The following PAM variants were observed in gnomAD, a reference collection of about 807,000 sequenced individuals.
PAM encodes peptidylglycine alpha-amidating monooxygenase.
In PAM, 72 loss-of-function variants were observed where a neutral mutation model predicts 122.1. The ratio of observed to expected loss-of-function variants is 0.59; its 90% confidence interval spans 0.49 to 0.72. PAM has a LOEUF of 0.72. Among genes scored for constraint, PAM ranks in the 30% least tolerant of loss-of-function variants. PAM has a pLI of 0.00. For synonymous variants in PAM, 389 were observed against 404.4 expected (o/e 0.96, Z 0.46); for missense variants, 1,106 against 1,183.7 (o/e 0.93, Z 0.96).
At chr5:102,944,624 GA>G (rs1206893636) in intron 7 of PAM, among the ~76,000 whole-genome samples, 2 of 151,656 alleles carry the variant, frequency 1.3e-5, no homozygotes, top group South Asian at 2.1e-4. Context: ...CCAAAACTCA[GA>G]AAAAAAATAA....
chr5:102,979,203 C>A (rs568048427), intron 15 of PAM, among the ~76,000 whole-genome samples: 2 of 152,130 alleles, frequency 1.3e-5, no homozygotes, highest in Non-Finnish European at 2.9e-5. Flanking sequence ...TAGTATTCAG[C>A]CAGTTTGACC....
At chr5:102,847,585 G>C (rs1780267044) in intron 1 of PAM, among the ~76,000 whole-genome samples, 1 of 152,092 alleles carries the variant, frequency 6.6e-6, no homozygotes, top group Admixed American at 6.5e-5. Flanking sequence ...AAATATAAAA[G>C]AAAATTCGAT....
intron 12 of PAM, among the ~76,000 whole-genome samples, chr5:102,951,964 A>G (rs532206973): frequency 1.1e-4 from 16 of 152,218 alleles, no homozygotes; most frequent in African/African-American, 3.4e-4. Context: ...AAGAAAGAGC[A>G]TAACGAGTCC....
At chr5:102,949,513 T>G (rs746235472) in intron 9 of PAM, 24 bp from the exon 10 acceptor site, 1 of 1,148,882 alleles carries the variant, frequency 8.7e-7, no homozygotes, top group Non-Finnish European at 1.3e-6. Flanking sequence ...TAGTGACTTT[T>G]GTCTGTGTTT....
At chr5:102,787,446 G>C (rs1230206163) in intron 1 of PAM, among the ~76,000 whole-genome samples, 1 of 151,866 alleles carries the variant, frequency 6.6e-6, no homozygotes, top group Non-Finnish European at 1.5e-5. Flanking sequence ...CAACTGTGGG[G>C]ACAAAACTGC....
intron 14 of PAM, among the ~76,000 whole-genome samples, chr5:102,972,463 A>G (rs1766154562): frequency 6.6e-6 from 1 of 151,880 alleles, no homozygotes; most frequent in African/African-American, 2.4e-5. Context: ...TTTATTTCTT[A>G]GAGAGATAGG....
At chr5:102,990,492 A>C (rs756178101) in intron 16 of PAM, 91 bp downstream of exon 16, 11 of 955,394 alleles carry the variant, frequency 1.2e-5, no homozygotes, top group Non-Finnish European at 1.5e-5. Context: ...TGAGAGAACT[A>C]TAAAGGTTTT....
chr5:102,963,801 G>A, intron 14 of PAM, among the ~76,000 whole-genome samples: 1 of 151,266 alleles, frequency 6.6e-6, no homozygotes, highest in East Asian at 1.9e-4. Flanking sequence ...ACTATATATA[G>A]TGTATATGTG....
At chr5:103,007,170 CACACACACACACACATATACAT>C (rs1200329923) in intron 19 of PAM, among the ~76,000 whole-genome samples, 159 bp downstream of exon 19, 7 of 139,764 alleles carry the variant, frequency 5.0e-5, no homozygotes, top group South Asian at 2.2e-4. Context: ...GTCTCTCACA[CACACACACACACACATATACAT>C]ACACACACAC....
intron 1 of PAM, among the ~76,000 whole-genome samples, chr5:102,834,910 C>T (rs928147729): frequency 6.6e-6 from 1 of 151,998 alleles, no homozygotes; most frequent in South Asian, 2.1e-4. Flanking sequence ...TTACAGTAAC[C>T]TGGACACAAA....
chr5:102,865,885 TCATAAGGCACC>T lies in PAM; in HGVS notation c.-309_-299del, dbSNP rs1785398521. The T allele has an allele frequency of 6.1e-6, 2 of 325,808 alleles. No homozygotes were observed. 20.2% of individuals were successfully genotyped at this position (325,808 alleles called of 1,614,324 possible). On this transcript the variant is annotated 5_prime_UTR_variant, in exon 2 of 26. It removes the in-frame stop codon of an upstream open reading frame in the 5' UTR. Transcript: ENST00000438793. ...CCTCACAGCCCCTGTCATTCCGGAG[TCATAAGGCACC>T]CGCGCGTCTAGCCCCAGCGCCAGGG...
rs1280384591 is a variant in PAM, at chr5:102,974,164, T to A, written c.1211T>A (p.Val404Asp). The part of the protein sequence containing the change: ...LSKLLGERED[V>D]VHVHKYNPTE... Reference sequence around the variant, plus strand: ...AAGCTGCTAGGAGAAAGGGAAGATGTTGTTCATGTGCACAAATATAATCCT... The same window carrying A: ...AAGCTGCTAGGAGAAAGGGAAGATGATGTTCATGTGCACAAATATAATCCT... The change falls in exon 15 of 26, where the codon GTT becomes GAT. Residue 404 changes from valine to aspartate, a missense_variant. By Grantham distance (152) the Val-to-Asp change is radical. Transcript: ENST00000438793. 2 of 1,613,806 alleles carry A rather than the reference T, an allele frequency of 1.2e-6. No homozygotes were observed. Among genetic ancestry groups the A allele is most frequent in the Admixed American group, 3.3e-5 (2 of 59,958 alleles).
intron 16 of PAM, among the ~76,000 whole-genome samples, chr5:102,997,152 C>T (rs896458733): frequency 4.6e-5 from 7 of 152,004 alleles, no homozygotes; most frequent in South Asian, 2.1e-4. Context: ...TGATAGCAAA[C>T]GAAACCTAAA....
At position 102,822,494 on chromosome 5, in the gene PAM, A is replaced by G. The variant is rs572505950; in HGVS notation, c.-373-43329A>G. On this transcript the variant is annotated intron_variant, in intron 1 of 25. Coordinates refer to ENST00000438793, the MANE Select transcript of PAM (RefSeq NM_001177306.2). ...ATGTGAGAGGAAACCAGAGTACCCA[A>G]GAAAACTCACATAGACATGAGGAGT... Among the ~76,000 whole-genome samples the G allele has an allele frequency of 3.9e-5, 6 of 152,294 alleles. No individual in the cohort carries two copies. In the South Asian group the frequency reaches 1.2e-3, roughly 32 times the overall value.
chr5:102,793,943 A>AT (rs557377687), intron 1 of PAM, among the ~76,000 whole-genome samples: 3 of 152,068 alleles, frequency 2.0e-5, no homozygotes, highest in Admixed American at 6.6e-5. Flanking sequence ...TTAAATGCAT[A>AT]TTTTTTTCTT....
chr5:102,994,035 G>A (rs1468930647), intron 16 of PAM, among the ~76,000 whole-genome samples: 1 of 151,930 alleles, frequency 6.6e-6, no homozygotes, highest in Non-Finnish European at 1.5e-5. Context: ...TCAAAATGTT[G>A]GGTCAACTAG....
chr5:102,764,439 G>A (rs1202149546), intron 1 of PAM, among the ~76,000 whole-genome samples: 1 of 152,040 alleles, frequency 6.6e-6, no homozygotes, highest in African/African-American at 2.4e-5. Flanking sequence ...AAACCCAGAT[G>A]AAGTCGGGGA....
chr5:102,851,579 A>T (rs1219049961), intron 1 of PAM, among the ~76,000 whole-genome samples: 1 of 152,202 alleles, frequency 6.6e-6, no homozygotes. Context: ...CTGATAAAAG[A>T]TGTTGACCTT....
chr5:102,759,331 T>C (rs1008190027), intron 1 of PAM, among the ~76,000 whole-genome samples: 10 of 151,594 alleles, frequency 6.6e-5, no homozygotes, highest in African/African-American at 2.4e-4. Flanking sequence ...GCTGAAGAGG[T>C]GGGAAGATTG....
Sources: gnomAD v4.1 joint callset for allele counts (sites outside exome capture counted in the v4.1 genomes callset) on GRCh38, gnomAD v4.1.1 for gene constraint, MANE v1.5 for transcripts, NCBI Gene and HGNC (gene_info 2026-07-23, HGNC 2026-07-21) for gene names.